The following XPR1 variants were observed in gnomAD, a reference collection of about 807,000 sequenced individuals.
XPR1 encodes xenotropic and polytropic retrovirus receptor 1.
XPR1 carries 28 observed loss-of-function variants against 87.5 expected under a neutral mutation model. The observed-to-expected ratio is 0.32, with a 90% CI of 0.24 to 0.44. The LOEUF (loss-of-function observed/expected upper bound fraction) is 0.44. Among genes scored for constraint, XPR1 ranks in the 20% least tolerant of loss-of-function variants. XPR1 has a pLI of 1.00. For missense variants in XPR1, 559 were observed against 862.3 expected, an observed-to-expected ratio of 0.65 and a Z score of 4.41; for synonymous variants, 300 against 306.1, an observed-to-expected ratio of 0.98 and a Z score of 0.21.
chr1:180,799,101 T>C (rs1274604679), intron 3 of XPR1, among the ~76,000 whole-genome samples: 2 of 152,192 alleles, frequency 1.3e-5, no homozygotes, highest in Non-Finnish European at 2.9e-5. Context: ...GTTTCATTAG[T>C]ACAAAGAACC....
chr1:180,823,787 T>C (rs1436755738), intron 7 of XPR1, among the ~76,000 whole-genome samples: 1 of 152,196 alleles, frequency 6.6e-6, no homozygotes, highest in African/African-American at 2.4e-5. Context: ...GGTCAGTAAC[T>C]AAGCAAATGA....
intron 7 of XPR1, among the ~76,000 whole-genome samples, chr1:180,816,466 A>G (rs1335149724): frequency 3.3e-5 from 5 of 152,168 alleles, no homozygotes; most frequent in African/African-American, 1.2e-4. Context: ...CCCCTGTACT[A>G]ACCTATGACC....
chr1:180,632,222 C>G lies in XPR1; in HGVS notation c.21C>G (p.Leu7=), dbSNP rs1654607310. The G allele has an allele frequency of 3.7e-6, 6 of 1,611,438 alleles. No homozygotes were observed. The highest frequency in any genetic ancestry group is 5.1e-6 in the Non-Finnish European group (6 of 1,178,690). Residue 7 remains leucine, a synonymous_variant, in exon 1 of 15, where the codon CTC becomes CTG. Coordinates refer to ENST00000367590, the MANE Select transcript of XPR1 (RefSeq NM_004736.4). MKFAEH[L]SAHITPEWRK... The stretch of plus-strand genomic sequence containing the variant: ...GCAGGATGAAGTTCGCCGAGCACCT[C>G]TCCGCGCACATCACTCCCGAGTGGA...
intron 13 of XPR1, 90 bp from the exon 14 acceptor site, chr1:180,879,985 AT>A (rs1388125027): frequency 2.9e-6 from 4 of 1,371,032 alleles, no homozygotes; most frequent in African/African-American, 1.4e-5. Context: ...TTTTGTTTCC[AT>A]GAGTGGAAAC....
intron 9 of XPR1, among the ~76,000 whole-genome samples, chr1:180,833,384 A>AGAC (rs1293527215): frequency 2.0e-5 from 3 of 152,218 alleles, no homozygotes; most frequent in Non-Finnish European, 4.4e-5. Context: ...TAGACTGGCA[A>AGAC]ATTGGATAAA....
At chr1:180,811,182 TTC>T (rs1357534677) in intron 6 of XPR1, among the ~76,000 whole-genome samples, 1 of 152,182 alleles carries the variant, frequency 6.6e-6, no homozygotes, top group African/African-American at 2.4e-5. Flanking sequence ...TCTTGCTTAT[TTC>T]ATGACACAGA....
Position 180,836,532 on chromosome 1 carries a change from T to C in XPR1, c.1317T>C (p.Ile439=), listed in dbSNP as rs1427327811. Residue 439 remains isoleucine, a synonymous_variant, in exon 11 of 15, where the codon ATT becomes ATC. Coordinates refer to ENST00000367590, the MANE Select transcript of XPR1 (RefSeq NM_004736.4). Reference sequence around the variant, plus strand: ...TTGAAATCTTCACAGAATCAGGAATTTGCCACAAATATACATATGGTGTGC... The same window carrying C: ...TTGAAATCTTCACAGAATCAGGAATCTGCCACAAATATACATATGGTGTGC... The part of the protein sequence containing the change: ...LLPNNSEESG[I]CHKYTYGVRA... The C allele has an allele frequency of 5.0e-6, 8 of 1,614,030 alleles. No homozygotes were observed. The highest frequency in any genetic ancestry group is 6.8e-6 in the Non-Finnish European group (8 of 1,179,994).
intron 11 of XPR1, among the ~76,000 whole-genome samples, chr1:180,848,283 G>T (rs1651754256): frequency 6.6e-6 from 1 of 152,028 alleles, no homozygotes; most frequent in African/African-American, 2.4e-5. Context: ...ATGTAATTTT[G>T]AATCCTTTAA....
At chr1:180,859,968 C>G (rs564270833) in intron 11 of XPR1, among the ~76,000 whole-genome samples, 2 of 152,084 alleles carry the variant, frequency 1.3e-5, no homozygotes, top group South Asian at 2.1e-4. Context: ...AGAAAGAGAA[C>G]TGGAATACAG....
chr1:180,809,197 A>G (rs539811171), intron 6 of XPR1, among the ~76,000 whole-genome samples: 36 of 152,286 alleles, frequency 2.4e-4, no homozygotes, highest in Non-Finnish European at 4.6e-4. Context: ...AAGACTCCAG[A>G]AAAAATGCAA....
rs573210887 is a variant in XPR1, at chr1:180,651,090, G to A, written c.69+18820G>A. On this transcript the variant is annotated intron_variant, in intron 1 of 14. Coordinates refer to ENST00000367590, the MANE Select transcript of XPR1 (RefSeq NM_004736.4). Reference sequence around the variant, plus strand: ...CTTGGAAACTGAATGATAGTAGCTGGACATTTGGAATCCATTTCTTTTTTT... The same window carrying A: ...CTTGGAAACTGAATGATAGTAGCTGAACATTTGGAATCCATTTCTTTTTTT... Among the ~76,000 whole-genome samples the A allele has an allele frequency of 2.0e-4, 31 of 151,818 alleles. No homozygotes were observed. In the South Asian group the frequency reaches 4.4e-3, roughly 21 times the overall value.
At chr1:180,735,525 A>G (rs1176551115) in intron 2 of XPR1, among the ~76,000 whole-genome samples, 3 of 152,188 alleles carry the variant, frequency 2.0e-5, no homozygotes, top group Non-Finnish European at 4.4e-5. Flanking sequence ...AACTTGAAGT[A>G]TTTGATTTGT....
intron 3 of XPR1, among the ~76,000 whole-genome samples, chr1:180,795,198 A>G (rs1649523344): frequency 6.6e-6 from 1 of 152,352 alleles, no homozygotes; most frequent in African/African-American, 2.4e-5. Context: ...TTGCATAACA[A>G]CATAACAGCT....
intron 2 of XPR1, among the ~76,000 whole-genome samples, chr1:180,720,452 A>G (rs1658142764): frequency 1.3e-5 from 2 of 152,216 alleles, no homozygotes; most frequent in African/African-American, 2.4e-5. Flanking sequence ...GTCATCCAGT[A>G]AAAGAAATTT....
At position 180,889,766 on chromosome 1, in the gene XPR1, G is replaced by A. The variant is rs1653128668; in HGVS notation, c.*5700G>A. 1 of 152,148 alleles carries A rather than the reference G, an allele frequency of 6.6e-6. No individual in the cohort carries two copies. Among genetic ancestry groups the A allele is most frequent in the South Asian group, 2.1e-4 (1 of 4,828 alleles). 9.4% of individuals were successfully genotyped at this position (152,148 alleles called of 1,614,324 possible). On this transcript the variant is annotated 3_prime_UTR_variant, in exon 15 of 15. Coordinates refer to ENST00000367590, the MANE Select transcript of XPR1 (RefSeq NM_004736.4). ...AATAGGGGGAAAATTGTATTTTTCT[G>A]TTCAAACTCTCTCCTTCTATTTGTG...
chr1:180,704,814 GTTTTTTTTTTT>G lies in XPR1; in HGVS notation c.121+22418_121+22428del, dbSNP rs567903048. ...GCCATTTTTCCAGGGACTGTTGGTTGTTTTTTTTTTTTTTTTTTTTTTTTTAAGTAATAATC... is the reference window on the plus strand; with the variant it reads ...GCCATTTTTCCAGGGACTGTTGGTTGTTTTTTTTTTTTTTAAGTAATAATC... On this transcript the variant is annotated intron_variant, in intron 2 of 14. Coordinates refer to ENST00000367590, the MANE Select transcript of XPR1 (RefSeq NM_004736.4). Among the ~76,000 whole-genome samples, 11 of 51,960 alleles carry G rather than the reference GTTTTTTTTTTT, an allele frequency of 2.1e-4. No homozygotes were observed. In the East Asian group the frequency reaches 3.2e-3, roughly 15 times the overall value. The allele number at this position is 51,960 out of a possible 152,430, so 34.1% of individuals were successfully genotyped here.
chr1:180,650,549 T>C (rs886784163), intron 1 of XPR1, among the ~76,000 whole-genome samples: 64 of 152,258 alleles, frequency 4.2e-4, no homozygotes, highest in Admixed American at 3.6e-3. Flanking sequence ...AAGCAATTTA[T>C]GTTGAGAATT....
chr1:180,717,229 G>A (rs890037864), intron 2 of XPR1, among the ~76,000 whole-genome samples: 5 of 152,168 alleles, frequency 3.3e-5, no homozygotes, highest in African/African-American at 1.2e-4. Context: ...CTGACCTCAG[G>A]TGATCCGCCC....
At chr1:180,824,684 G>A in intron 7 of XPR1, 69 bp from the exon 8 acceptor site, 1 of 1,358,332 alleles carries the variant, frequency 7.4e-7, no homozygotes, top group Non-Finnish European at 1.0e-6. Context: ...TGAGAATGAA[G>A]ACAAAAGATT....
Sources: allele counts gnomAD v4.1 joint callset (sites outside exome capture counted in the v4.1 genomes callset), GRCh38; gene constraint gnomAD v4.1.1; transcripts MANE v1.5; gene names NCBI Gene and HGNC (gene_info 2026-07-23, HGNC 2026-07-21).